DNAJC1: variants seen among roughly 807,000 people sequenced by gnomAD.
DNAJC1 encodes dnaJ homolog subfamily C member 1.
Under a neutral mutation model 76.6 loss-of-function variants are expected in DNAJC1, and 58 were observed. That is an observed-to-expected ratio of 0.76 (90% confidence interval 0.61 to 0.94). The LOEUF (loss-of-function observed/expected upper bound fraction) is 0.94, where lower values mean the gene tolerates loss of function less well. Among genes scored for constraint, DNAJC1 ranks in the 40% least tolerant of loss-of-function variants. DNAJC1 has a pLI of 0.00. For synonymous variants in DNAJC1, 258 were observed against 267.9 expected, an observed-to-expected ratio of 0.96 and a Z score of 0.36; for missense variants, 689 against 677.3, an observed-to-expected ratio of 1.02 and a Z score of -0.19.
chr10:21,940,278 AT>A (rs1445484641), intron 1 of DNAJC1, among the ~76,000 whole-genome samples: 1 of 152,046 alleles, frequency 6.6e-6, no homozygotes, highest in East Asian at 1.9e-4. Context: ...CTGGGCTTCT[AT>A]GGCCAATATG....
chr10:21,772,746 T>A (rs1243381229), intron 9 of DNAJC1, among the ~76,000 whole-genome samples: 1 of 152,114 alleles, frequency 6.6e-6, no homozygotes, highest in Non-Finnish European at 1.5e-5. Context: ...CATTTCTGCT[T>A]GTAATAGTCC....
intron 9 of DNAJC1, among the ~76,000 whole-genome samples, chr10:21,783,017 T>C (rs559708017): frequency 1.1e-4 from 17 of 152,164 alleles, no homozygotes; most frequent in African/African-American, 4.1e-4. Context: ...CTTTCACCAC[T>C]CCTATTCAAC....
At chr10:21,835,901 T>G (rs1438313189) in intron 8 of DNAJC1, among the ~76,000 whole-genome samples, 4 of 152,186 alleles carry the variant, frequency 2.6e-5, no homozygotes, top group Non-Finnish European at 5.9e-5. Context: ...GAAAACACTC[T>G]GCAGGATACT....
intron 9 of DNAJC1, chr10:21,785,317 T>C (rs997018269): frequency 6.6e-6 from 1 of 152,228 alleles, no homozygotes; most frequent in African/African-American, 2.4e-5. Context: ...GCCAGTGATA[T>C]TGCCACTCTA....
intron 9 of DNAJC1, among the ~76,000 whole-genome samples, chr10:21,783,705 T>C (rs1354682819): frequency 6.6e-6 from 1 of 152,084 alleles, no homozygotes; most frequent in Non-Finnish European, 1.5e-5. Context: ...AAAACAGAGA[T>C]ACAGACCAAT....
chr10:21,820,957 C>G (rs991411586), intron 8 of DNAJC1, among the ~76,000 whole-genome samples: 31 of 152,164 alleles, frequency 2.0e-4, no homozygotes, highest in African/African-American at 7.5e-4. Flanking sequence ...GCCCTCTGAA[C>G]CCTGTCCTTG....
intron 1 of DNAJC1, among the ~76,000 whole-genome samples, chr10:21,945,380 TTTC>T (rs1407743268): frequency 6.6e-6 from 1 of 152,140 alleles, no homozygotes; most frequent in Non-Finnish European, 1.5e-5. Flanking sequence ...TGAGAGAGAC[TTTC>T]TTTTCTTTTT....
chr10:21,950,002 G>A (rs572749631), intron 1 of DNAJC1, among the ~76,000 whole-genome samples: 5 of 151,182 alleles, frequency 3.3e-5, no homozygotes, highest in Non-Finnish European at 5.9e-5. Context: ...TTCTCCTGTG[G>A]TAGTCTACAA....
chr10:21,850,784 T>A (rs1392364342), intron 8 of DNAJC1, among the ~76,000 whole-genome samples: 1 of 152,160 alleles, frequency 6.6e-6, no homozygotes, highest in Non-Finnish European at 1.5e-5. Flanking sequence ...ACTACAAAGC[T>A]ATTGTAATCA....
intron 11 of DNAJC1, 127 bp downstream of exon 11, chr10:21,759,043 G>C: frequency 1.0e-6 from 1 of 961,890 alleles, no homozygotes; most frequent in Non-Finnish European, 1.6e-6. Context: ...AAGATAAATG[G>C]GAAAGAAGAA....
At chr10:21,847,020 C>T (rs1016441310) in intron 8 of DNAJC1, among the ~76,000 whole-genome samples, 2 of 151,886 alleles carry the variant, frequency 1.3e-5, no homozygotes, top group Non-Finnish European at 2.9e-5. Context: ...TCACATAATA[C>T]AGTTACTAGA....
chr10:21,855,231 A>C (rs1467688129), intron 8 of DNAJC1, among the ~76,000 whole-genome samples: 1 of 152,184 alleles, frequency 6.6e-6, no homozygotes, highest in East Asian at 1.9e-4. Flanking sequence ...GAGCTCTCAA[A>C]TCACTGGCCC....
At chr10:21,794,543 T>G (rs1156518638) in intron 9 of DNAJC1, among the ~76,000 whole-genome samples, 1 of 152,032 alleles carries the variant, frequency 6.6e-6, no homozygotes, top group Admixed American at 6.6e-5. Flanking sequence ...GACCCTTAAA[T>G]CTCACATTAA....
At position 22,003,723 on chromosome 10, in the gene DNAJC1, T is replaced by A. The variant is rs1401793421; in HGVS notation, c.-289A>T. 6.0e-6 allele frequency: 2 copies of A among 334,072 alleles called. No individual in the cohort carries two copies. Among genetic ancestry groups the A allele is most frequent in the Non-Finnish European group, 1.1e-5 (2 of 185,846 alleles). The allele number at this position is 334,072 out of a possible 1,614,324, so 20.7% of individuals were successfully genotyped here. On this transcript the variant is annotated 5_prime_UTR_variant, in exon 1 of 12. Coordinates refer to ENST00000376980, the MANE Select transcript of DNAJC1 (RefSeq NM_022365.4). ...TAGAGGCAGCGCCCGGCGCCTGGGC[T>A]GCACAGTGGGTGAGGCTTCCCTTCG...
chr10:21,833,793 C>G (rs1284347787), intron 8 of DNAJC1, among the ~76,000 whole-genome samples: 1 of 152,076 alleles, frequency 6.6e-6, no homozygotes, highest in African/African-American at 2.4e-5. Flanking sequence ...ACTCTTCCAC[C>G]AGCAGATAGA....
chr10:21,866,949 T>C (rs1836011038), intron 8 of DNAJC1, among the ~76,000 whole-genome samples: 1 of 152,092 alleles, frequency 6.6e-6, no homozygotes, highest in Non-Finnish European at 1.5e-5. Context: ...CAAGAAGAAC[T>C]AGAAATATGT....
chr10:21,990,757 T>C (rs575251031), intron 1 of DNAJC1, among the ~76,000 whole-genome samples: 9 of 152,326 alleles, frequency 5.9e-5, no homozygotes, highest in East Asian at 3.9e-4. Context: ...TGTTTTTCCC[T>C]CAGCATAGAA....
chr10:21,950,300 T>C (rs1258071302), intron 1 of DNAJC1, among the ~76,000 whole-genome samples: 16 of 152,220 alleles, frequency 1.1e-4, no homozygotes, highest in Admixed American at 9.2e-4. Context: ...ACCTCTGTTA[T>C]AGTGACCTAT....
At chr10:21,771,718 G>A (rs1267541010) in intron 9 of DNAJC1, among the ~76,000 whole-genome samples, 3 of 152,124 alleles carry the variant, frequency 2.0e-5, no homozygotes, top group East Asian at 1.9e-4. Context: ...GGCTGATCTT[G>A]AACTGCTGAC....
Sources: allele counts gnomAD v4.1 joint callset (sites outside exome capture counted in the v4.1 genomes callset), GRCh38; gene constraint gnomAD v4.1.1; transcripts MANE v1.5; gene names NCBI Gene and HGNC (gene_info 2026-07-23, HGNC 2026-07-21).